CEP112: variants seen among roughly 807,000 people sequenced by gnomAD.
CEP112 encodes the protein centrosomal protein 112, also known as centrosomal protein of 112 kDa.
A neutral mutation model predicts 153.0 loss-of-function variants in CEP112; 127 were observed. The ratio of observed to expected loss-of-function variants is 0.83; its 90% CI spans 0.72 to 0.96. The LOEUF is 0.96. Among genes scored for constraint, CEP112 ranks in the 40% least tolerant of loss-of-function variants. CEP112 has a pLI of 0.00. For missense variants in CEP112, 1,089 were observed against 1,101.2 expected (o/e 0.99, Z 0.16); for synonymous variants, 358 against 374.4 (o/e 0.96, Z 0.51).
intron 19 of CEP112, 114 bp from the exon 20 acceptor site, chr17:65,902,448 C>T (rs906967462): frequency 2.6e-5 from 19 of 740,542 alleles, no homozygotes; most frequent in South Asian, 5.2e-5. Context: ...TTTATTTTTA[C>T]ATCATTATTA....
chr17:65,841,907 T>A (rs72831449), intron 21 of CEP112, among the ~76,000 whole-genome samples: 1 of 74,332 alleles, frequency 1.3e-5, no homozygotes, highest in Non-Finnish European at 4.0e-5. Context: ...TGTACACACA[T>A]ACACACACAC....
intron 12 of CEP112, among the ~76,000 whole-genome samples, chr17:66,049,426 C>A (rs955865262): frequency 6.6e-6 from 1 of 152,024 alleles, no homozygotes; most frequent in Non-Finnish European, 1.5e-5. Context: ...AACAGATGAA[C>A]TAAGAATTTT....
At chr17:66,177,595 CTT>C (rs984761557) in intron 2 of CEP112, among the ~76,000 whole-genome samples, 1 of 152,102 alleles carries the variant, frequency 6.6e-6, no homozygotes, top group African/African-American at 2.4e-5. Flanking sequence ...CAATTATACT[CTT>C]AGTTATTTTT....
chr17:65,979,259 T>A (rs545566521), intron 17 of CEP112, among the ~76,000 whole-genome samples: 2 of 152,188 alleles, frequency 1.3e-5, no homozygotes, highest in South Asian at 4.2e-4. Context: ...TATTTTTTGC[T>A]TTTTGAGACA....
Position 65,807,077 on chromosome 17 carries a change from T to C in CEP112, c.2394+44727A>G, listed in dbSNP as rs188818863. 2.6e-5 allele frequency among the ~76,000 whole-genome samples: 4 copies of C among 152,298 alleles called. No individual in the cohort carries two copies. The East Asian group carries it at 7.7e-4, about 30-fold the overall frequency. On this transcript the variant is annotated intron_variant, in intron 21 of 26. Coordinates refer to ENST00000535342, the MANE Select transcript of CEP112 (RefSeq NM_001199165.4). ...GTGATGTGAACAATGAGGTCCAGGCTGAAGTGGTCTCAGATGGAGATAAAG... is the reference window on the plus strand; with the variant it reads ...GTGATGTGAACAATGAGGTCCAGGCCGAAGTGGTCTCAGATGGAGATAAAG...
At chr17:65,740,412 G>A (rs2051061994) in intron 23 of CEP112, among the ~76,000 whole-genome samples, 2 of 152,134 alleles carry the variant, frequency 1.3e-5, no homozygotes, top group Admixed American at 1.3e-4. Flanking sequence ...TCAAAGGCTA[G>A]GTATATCTCT....
chr17:66,125,799 G>C (rs558482203), intron 6 of CEP112, among the ~76,000 whole-genome samples: 1 of 152,022 alleles, frequency 6.6e-6, no homozygotes, highest in African/African-American at 2.4e-5. Flanking sequence ...AATAAGAAAA[G>C]AGACTACAAA....
intron 24 of CEP112, among the ~76,000 whole-genome samples, chr17:65,679,745 C>A (rs2047421151): frequency 6.6e-6 from 1 of 152,150 alleles, no homozygotes; most frequent in Non-Finnish European, 1.5e-5. Flanking sequence ...ATAAGCAGTG[C>A]TATCCACTGA....
intron 19 of CEP112, among the ~76,000 whole-genome samples, chr17:65,906,266 G>A (rs992025217): frequency 2.2e-5 from 2 of 91,734 alleles, no homozygotes; most frequent in Admixed American, 9.9e-5. Flanking sequence ...GGGGCCTGTC[G>A]GGGGGGTAGG....
chr17:65,893,702 G>A (rs1387629643), intron 20 of CEP112, among the ~76,000 whole-genome samples: 2 of 151,978 alleles, frequency 1.3e-5, no homozygotes, highest in South Asian at 2.1e-4. Flanking sequence ...ACAATAGTTC[G>A]AAAACAGACC....
Position 65,962,833 on chromosome 17 carries a change from C to T in CEP112, c.1737-1235G>A, listed in dbSNP as rs1358713623. On this transcript the variant is annotated intron_variant, in intron 17 of 26. Coordinates refer to ENST00000535342, the MANE Select transcript of CEP112 (RefSeq NM_001199165.4). ...TAAGATGTGACTTGCTCCTCCTTGC[C>T]TTCCGCCATGATTGTGAGGCCTCCC... Among the ~76,000 whole-genome samples the T allele has an allele frequency of 3.3e-5, 5 of 152,212 alleles. No homozygotes were observed. In the East Asian group the frequency reaches 7.7e-4, roughly 23 times the overall value.
At chr17:65,938,960 C>T (rs865849028) in intron 18 of CEP112, among the ~76,000 whole-genome samples, 1 of 151,896 alleles carries the variant, frequency 6.6e-6, no homozygotes, top group Non-Finnish European at 1.5e-5. Flanking sequence ...TACAGGTGCT[C>T]GCCACCATGC....
chr17:65,862,093 A>G (rs1598809453), intron 20 of CEP112, among the ~76,000 whole-genome samples: 1 of 151,496 alleles, frequency 6.6e-6, no homozygotes, highest in South Asian at 2.1e-4. Flanking sequence ...GATTACCTAC[A>G]ACATGCAACC....
At chr17:66,028,715 G>C (rs2065331503) in intron 14 of CEP112, among the ~76,000 whole-genome samples, 1 of 151,684 alleles carries the variant, frequency 6.6e-6, no homozygotes, top group Non-Finnish European at 1.5e-5. Flanking sequence ...ATGTAACACT[G>C]ACATAAAAAT....
At position 65,653,832 on chromosome 17, in the gene CEP112, G is replaced by A. The variant is rs139570885; in HGVS notation, c.2698-12767C>T. Among the ~76,000 whole-genome samples, 676 of 152,122 alleles carry A rather than the reference G, an allele frequency of 4.4e-3. 3 individuals are homozygous for A. The highest frequency in any genetic ancestry group is 7.9e-3 in the Non-Finnish European group (538 of 67,984). On this transcript the variant is annotated intron_variant, in intron 24 of 26. Transcript: ENST00000535342. ...TCCCAGCACTTTGGGAGCCAGAGGC[G>A]GGCAGACCACAAGGTCAGGAGGTCA...
chr17:66,180,944 A>G (rs756561732), intron 2 of CEP112, among the ~76,000 whole-genome samples: 1 of 152,184 alleles, frequency 6.6e-6, no homozygotes. Context: ...TTTTGATATG[A>G]AAATTATATA....
At chr17:66,119,031 T>G (rs1284265699) in intron 6 of CEP112, among the ~76,000 whole-genome samples, 1 of 152,092 alleles carries the variant, frequency 6.6e-6, no homozygotes, top group Non-Finnish European at 1.5e-5. Flanking sequence ...GAAAAAAGAT[T>G]ATGTCTTTGC....
intron 17 of CEP112, among the ~76,000 whole-genome samples, chr17:65,978,565 T>C (rs966588951): frequency 2.0e-5 from 3 of 152,232 alleles, no homozygotes; most frequent in Non-Finnish European, 4.4e-5. Context: ...GGAGGATAAA[T>C]ATATTAAAAC....
chr17:65,928,010 A>C (rs931353222), intron 18 of CEP112, among the ~76,000 whole-genome samples: 1 of 152,192 alleles, frequency 6.6e-6, no homozygotes, highest in African/African-American at 2.4e-5. Flanking sequence ...AATGAGATAA[A>C]ATATTTCCAA....
Sources: gnomAD v4.1 joint callset for allele counts (sites outside exome capture counted in the v4.1 genomes callset) on GRCh38, gnomAD v4.1.1 for gene constraint, MANE v1.5 for transcripts, NCBI Gene and HGNC (gene_info 2026-07-23, HGNC 2026-07-21) for gene names.